Variants in VANGL2 observed in about 807,000 individuals in gnomAD.
VANGL2 encodes VANGL planar cell polarity protein 2, also known as vang-like protein 2.
A neutral mutation model predicts 50.2 loss-of-function variants in VANGL2; 14 were observed. That is an observed-to-expected ratio of 0.28 (90% CI 0.18 to 0.44). The LOEUF is 0.44. Ranked by LOEUF, VANGL2 falls within the 20% of genes least tolerant of loss-of-function variation. The pLI, the probability that VANGL2 is intolerant of heterozygous loss-of-function variation, is 1.00. For missense variants in VANGL2, 533 were observed against 701.5 expected, an observed-to-expected ratio of 0.76 and a Z score of 2.71; for synonymous variants, 295 against 297.2, an observed-to-expected ratio of 0.99 and a Z score of 0.08.
At chr1:160,417,640 A>G (rs954847438) in intron 3 of VANGL2, among the ~76,000 whole-genome samples, 1 of 152,168 alleles carries the variant, frequency 6.6e-6, no homozygotes, top group Non-Finnish European at 1.5e-5. Flanking sequence ...TGCTGCTTTG[A>G]TCAGGTTTAC....
Position 160,423,934 on chromosome 1 carries a change from T to C in VANGL2, c.1074-118T>C, listed in dbSNP as rs115267181. ...CTATTGCCTCTGGCTTTGTATTACT[T>C]TGGGTGAGCACAAAGGCCTGACCTC... On this transcript the variant is annotated intron_variant, in intron 6 of 7. Coordinates refer to ENST00000368061, the MANE Select transcript of VANGL2 (RefSeq NM_020335.3). The C allele has an allele frequency of 4.9e-3, 5,493 of 1,115,914 alleles. 175 individuals carry two copies. The African/African-American group carries it at 0.073, about 15-fold the overall frequency. 69.1% of individuals were successfully genotyped at this position (1,115,914 alleles called of 1,614,324 possible). A position where few individuals can be genotyped will look rare whatever the true frequency, so the allele number is the denominator to read the frequency against.
chr1:160,415,921 G>A lies in VANGL2; in HGVS notation c.71+13G>A. The A allele has an allele frequency of 1.2e-6, 2 of 1,614,218 alleles. No individual in the cohort carries two copies. Among genetic ancestry groups the A allele is most frequent in the Non-Finnish European group, 1.7e-6 (2 of 1,180,038 alleles). ...CCCGCAAGCACAGGTGGGCAGGCAT[G>A]CAGGGTGACATGCGTGGCGGAGGGA... On this transcript the variant is annotated intron_variant, in intron 2 of 7. Transcript: ENST00000368061.
In VANGL2 at chr1:160,425,282, C is replaced by T. The variant is rs746000527; in HGVS notation, c.1470C>T (p.Ser490=). The change falls in exon 8 of 8, where the codon AGC becomes AGT. Residue 490 remains serine (S), a synonymous_variant. Transcript: ENST00000368061. The stretch of plus-strand genomic sequence containing the variant: ...GCCAGGACTTCAGCCTGGTGGTCAG[C>T]ACCAAGAAGGTCCCATTCTTCAAAC... The part of the protein sequence containing the change: ...LKRQDFSLVV[S]TKKVPFFKLS... 10 of 1,614,132 alleles carry T rather than the reference C, an allele frequency of 6.2e-6. No individual in the cohort carries two copies. The highest frequency in any genetic ancestry group is 2.2e-5 in the East Asian group (1 of 44,868).
At chr1:160,411,739 A>G (rs1031488565) in intron 1 of VANGL2, among the ~76,000 whole-genome samples, 2 of 152,118 alleles carry the variant, frequency 1.3e-5, no homozygotes, top group Admixed American at 6.5e-5. Flanking sequence ...GATAGGGGGC[A>G]CTAGGCTGGG....
intron 1 of VANGL2, among the ~76,000 whole-genome samples, chr1:160,408,533 A>G (rs1650766063): frequency 6.6e-6 from 1 of 152,156 alleles, no homozygotes; most frequent in Non-Finnish European, 1.5e-5. Flanking sequence ...CTGGAAGCCT[A>G]GATGCCTGGA....
chr1:160,402,592 G>T (rs558062620), intron 1 of VANGL2, among the ~76,000 whole-genome samples: 1 of 152,112 alleles, frequency 6.6e-6, no homozygotes, highest in South Asian at 2.1e-4. Flanking sequence ...AGACCAAAAA[G>T]TTTCCCTTTT....
At position 160,410,291 on chromosome 1, in the gene VANGL2, C is replaced by T. The variant is rs139945197; in HGVS notation, c.-190-5357C>T. On this transcript the variant is annotated intron_variant, in intron 1 of 7. Transcript: ENST00000368061. ...TCTCAGCTGCTTCCAGCCCTGTCCTCGGTGGAGATGAGGAACACTAGGTGC... is the reference window on the plus strand; with the variant it reads ...TCTCAGCTGCTTCCAGCCCTGTCCTTGGTGGAGATGAGGAACACTAGGTGC... 4.6e-5 allele frequency among the ~76,000 whole-genome samples: 7 copies of T among 152,282 alleles called. No homozygotes were observed. The East Asian group carries it at 9.6e-4, about 21-fold the overall frequency.
chr1:160,420,916 T>G (rs1466446053), intron 5 of VANGL2, 136 bp from the exon 6 acceptor site: 4 of 1,316,372 alleles, frequency 3.0e-6, no homozygotes, highest in Non-Finnish European at 4.2e-6. Flanking sequence ...GCCAGGAGGG[T>G]TGGGATTAGG....
Position 160,425,567 on chromosome 1 carries a change from A to T in VANGL2, c.*189A>T. The T allele has an allele frequency of 4.8e-6, 3 of 631,060 alleles. No homozygotes were observed. The South Asian group carries it at 6.3e-5, about 13-fold the overall frequency. 39.1% of individuals were successfully genotyped at this position (631,060 alleles called of 1,614,324 possible). ...TTTTACCCCATGTGAACCTGGAGAG[A>T]CCATCCTGCTGTCAACAGTACCTGG... On this transcript the variant is annotated 3_prime_UTR_variant, in exon 8 of 8. Coordinates refer to ENST00000368061, the MANE Select transcript of VANGL2 (RefSeq NM_020335.3).
intron 3 of VANGL2, 144 bp downstream of exon 3, chr1:160,416,326 G>T (rs1405033889): frequency 1.4e-6 from 2 of 1,409,748 alleles, no homozygotes; most frequent in African/African-American, 1.4e-5. Context: ...GTTACACTTA[G>T]CTTGGCTTAG....
intron 1 of VANGL2, among the ~76,000 whole-genome samples, chr1:160,415,053 ATG>A (rs1651008541): frequency 6.6e-6 from 1 of 152,242 alleles, no homozygotes; most frequent in East Asian, 1.9e-4. Flanking sequence ...GGCTGTGCAT[ATG>A]TGTGGCAACC....
chr1:160,418,303 G>A (rs1651132149), intron 3 of VANGL2, among the ~76,000 whole-genome samples: 1 of 152,126 alleles, frequency 6.6e-6, no homozygotes, highest in South Asian at 2.1e-4. Context: ...AACATGCGGT[G>A]GGCCTGAGGT....
At chr1:160,416,652 A>G (rs1257037903) in intron 3 of VANGL2, among the ~76,000 whole-genome samples, 1 of 152,086 alleles carries the variant, frequency 6.6e-6, no homozygotes, top group Admixed American at 6.6e-5. Context: ...GTATGGGAAG[A>G]GTAGATGGAG....
intron 6 of VANGL2, among the ~76,000 whole-genome samples, chr1:160,422,616 T>C (rs2101970252): frequency 6.6e-6 from 1 of 152,368 alleles, no homozygotes; most frequent in South Asian, 2.1e-4. Context: ...CACTTCAGGC[T>C]GGTCCTGCTC....
intron 1 of VANGL2, among the ~76,000 whole-genome samples, chr1:160,407,281 G>T (rs2101948438): frequency 6.6e-6 from 1 of 152,280 alleles, no homozygotes; most frequent in East Asian, 1.9e-4. Flanking sequence ...CTTTCAGCTG[G>T]ATCTGGTTTT....
rs779651925 is a variant in VANGL2 at position 160,419,128 on chromosome 1, C to T, written c.319C>T (p.Leu107=). The part of the protein sequence containing the change: ...DSVPLDCSRH[L]GVAAGATLAL... ...TGTCCCTCTGGACTGCTCCCGTCAC[C>T]TGGGTGTGGCAGCGGGGGCCACCCT... is the stretch of plus-strand genomic sequence containing the variant. Residue 107 remains leucine (L), a synonymous_variant, in exon 4 of 8, where the codon CTG becomes TTG. Coordinates refer to ENST00000368061, the MANE Select transcript of VANGL2 (RefSeq NM_020335.3). The surrounding 1 kb of genome is among the most constrained non-coding windows in gnomAD (Gnocchi z 5.8). 3.1e-6 allele frequency: 5 copies of T among 1,614,198 alleles called. No homozygotes were observed. In the East Asian group the frequency reaches 1.1e-4, roughly 36 times the overall value.
Position 160,416,259 on chromosome 1 carries a change from G to A in VANGL2, c.192+77G>A, listed in dbSNP as rs770899415. The A allele has an allele frequency of 2.1e-4, 333 of 1,609,294 alleles. 1 individual carries two copies. Among genetic ancestry groups the A allele is most frequent in the Middle Eastern group, 1.2e-3 (6 of 4,944 alleles). On this transcript the variant is annotated intron_variant, in intron 3 of 7. Transcript: ENST00000368061. Reference sequence around the variant, plus strand: ...GAGGGGCTGGAGGCTCCACGGAGTGGGGGAGGGCTTGGAAACCTGGTCTCA... The same window carrying A: ...GAGGGGCTGGAGGCTCCACGGAGTGAGGGAGGGCTTGGAAACCTGGTCTCA...
Position 160,402,689 on chromosome 1 carries a change from T to C in VANGL2, c.-191+1820T>C, listed in dbSNP as rs369578130. On this transcript the variant is annotated intron_variant, in intron 1 of 7. Transcript: ENST00000368061. ...GTGTCGGGAAAGGGCCAGGTACCCA[T>C]TGCAGGCTATACTGCTATACTCATC... 1.5e-3 allele frequency among the ~76,000 whole-genome samples: 227 copies of C among 152,214 alleles called. 2 individuals are homozygous for C. Among genetic ancestry groups the C allele is most frequent in the South Asian group, 0.012 (56 of 4,816 alleles).
intron 6 of VANGL2, 43 bp from the exon 7 acceptor site, chr1:160,424,008 GA>G (rs1226263523): frequency 1.2e-6 from 2 of 1,607,064 alleles, no homozygotes; most frequent in African/African-American, 2.7e-5. Context: ...TGGGGTGGGG[GA>G]AAGAGAGGTG....
Sources: gnomAD v4.1 joint callset for allele counts (sites outside exome capture counted in the v4.1 genomes callset) on GRCh38, gnomAD v4.1.1 for gene constraint, Gnocchi (gnomAD v3.1) non-coding constraint, MANE v1.5 for transcripts, NCBI Gene and HGNC (gene_info 2026-07-23, HGNC 2026-07-21) for gene names.